Variants in CDHR3 observed in about 807,000 individuals in gnomAD.
The protein encoded by CDHR3 is cadherin-related family member 3.
CDHR3 carries 79 observed loss-of-function variants against 86.6 expected under a neutral mutation model. That is an observed-to-expected ratio of 0.91 (90% CI 0.76 to 1.10). The LOEUF (loss-of-function observed/expected upper bound fraction) is 1.10. CDHR3 is among the 50% of genes least tolerant of loss of function. The pLI, the probability that CDHR3 is intolerant of heterozygous loss-of-function variation, is 0.00. For missense variants in CDHR3, 1,081 were observed against 1,077.6 expected (o/e 1.00, Z -0.04); for synonymous variants, 421 against 402.4 (o/e 1.05, Z -0.55).
intron 15 of CDHR3, among the ~76,000 whole-genome samples, chr7:106,025,053 C>T (rs1837154642): frequency 6.6e-6 from 1 of 152,188 alleles, no homozygotes. Flanking sequence ...TGGTCTCAGT[C>T]TCTCACTCTT....
chr7:105,987,152 G>T (rs1011345985), intron 4 of CDHR3, among the ~76,000 whole-genome samples: 2 of 152,148 alleles, frequency 1.3e-5, no homozygotes, highest in Non-Finnish European at 2.9e-5. Context: ...AGGAAGGAAA[G>T]CTGCCCAGGT....
chr7:105,992,106 C>G (rs1007237631), intron 4 of CDHR3, among the ~76,000 whole-genome samples: 5 of 152,166 alleles, frequency 3.3e-5, no homozygotes, highest in African/African-American at 1.2e-4. Context: ...GAGCACCTCC[C>G]CAAACCTTTG....
chr7:105,985,445 G>C (rs1830389422), intron 4 of CDHR3, among the ~76,000 whole-genome samples: 1 of 152,182 alleles, frequency 6.6e-6, no homozygotes, highest in African/African-American at 2.4e-5. Context: ...ATGACACTCG[G>C]GGAATTGGTA....
rs867170930 is a variant in CDHR3, at chr7:106,033,936, C to G, written c.*1239C>G. On this transcript the variant is annotated 3_prime_UTR_variant, in exon 19 of 19. Coordinates refer to ENST00000317716, the MANE Select transcript of CDHR3 (RefSeq NM_152750.5). ...GCAAACACTGAGAGTTGCAATTGCT[C>G]TCTATCCTTGCCAACACTTGGGATT... Among the ~76,000 whole-genome samples, 1 of 152,200 alleles carries G rather than the reference C, an allele frequency of 6.6e-6. No homozygotes were observed. Among genetic ancestry groups the G allele is most frequent in the Non-Finnish European group, 1.5e-5 (1 of 68,044 alleles).
At chr7:105,963,864 A>G (rs1276097260) in intron 1 of CDHR3, among the ~76,000 whole-genome samples, 1 of 151,928 alleles carries the variant, frequency 6.6e-6, no homozygotes. Context: ...TGATCATTTT[A>G]CTCTCTCTTC....
intron 2 of CDHR3, 71 bp from the exon 3 acceptor site, chr7:105,980,897 T>C: frequency 7.1e-7 from 1 of 1,400,994 alleles, no homozygotes; most frequent in Non-Finnish European, 9.8e-7. Context: ...GGAATATCCC[T>C]TTGCAAAGTG....
At chr7:106,028,940 C>CTTTCTTTCTTTCTTTCTTTT (rs1837857853) in intron 17 of CDHR3, among the ~76,000 whole-genome samples, 8 of 133,708 alleles carry the variant, frequency 6.0e-5, no homozygotes, top group Non-Finnish European at 1.3e-4. Context: ...TTCTTTCTTT[C>CTTTCTTTCTTTCTTTCTTTT]TTTCTTTCTT....
chr7:106,028,563 CAG>C lies in CDHR3; in HGVS notation c.2293_2294del (p.Asp765ArgfsTer13). On this transcript the variant is annotated frameshift_variant, in exon 17 of 19. Coordinates refer to ENST00000317716, the MANE Select transcript of CDHR3 (RefSeq NM_152750.5). LOFTEE classifies it high-confidence loss of function. ...CTGTTCTCTGCAGAAACGAAGACTG[CAG>C]AGAGAGACGTCGTGGTGGTGAGTAT... 2 of 1,613,920 alleles carry C rather than the reference CAG, an allele frequency of 1.2e-6. No homozygotes were observed. Among genetic ancestry groups the C allele is most frequent in the South Asian group, 1.1e-5 (1 of 91,072 alleles).
chr7:105,987,707 C>A (rs1830725842), intron 4 of CDHR3, among the ~76,000 whole-genome samples: 1 of 152,092 alleles, frequency 6.6e-6, no homozygotes, highest in Admixed American at 6.6e-5. Context: ...CTATAAAGCC[C>A]CCAGGGAATC....
intron 1 of CDHR3, 106 bp from the exon 2 acceptor site, chr7:105,974,738 T>C (rs2115640004): frequency 3.7e-6 from 3 of 819,086 alleles, no homozygotes; most frequent in East Asian, 2.6e-5. Context: ...CCAGCTCTCA[T>C]CGTCACCCTG....
At chr7:105,974,805 T>C (rs1828542862) in intron 1 of CDHR3, 39 bp from the exon 2 acceptor site, 1 of 1,557,480 alleles carries the variant, frequency 6.4e-7, no homozygotes, top group South Asian at 1.1e-5. Context: ...AGCAAAAGGC[T>C]TTGTGTTCAT....
At chr7:105,971,140 CAAAA>C (rs5886378) in intron 1 of CDHR3, among the ~76,000 whole-genome samples, 1 of 136,886 alleles carries the variant, frequency 7.3e-6, no homozygotes. Context: ...GACTCCATTT[CAAAA>C]AAAAAAAAAA....
At position 106,035,785 on chromosome 7, in the gene CDHR3, C is replaced by T. The variant is rs1838872407; in HGVS notation, c.*3088C>T. On this transcript the variant is annotated 3_prime_UTR_variant, in exon 19 of 19. Transcript: ENST00000317716. ...TCCTGTGCAAACATCTGATTGGTTG[C>T]AAAAAGCAACCAATCAGAGGCTAAG... 1 of 152,018 alleles carries T rather than the reference C, an allele frequency of 6.6e-6. No individual in the cohort carries two copies. The highest frequency in any genetic ancestry group is 6.5e-5 in the Admixed American group (1 of 15,268). 9.4% of individuals were successfully genotyped at this position (152,018 alleles called of 1,614,324 possible).
chr7:105,994,198 G>C (rs1831831355), intron 4 of CDHR3, among the ~76,000 whole-genome samples: 1 of 149,056 alleles, frequency 6.7e-6, no homozygotes, highest in Non-Finnish European at 1.5e-5. Context: ...TACTCACTTT[G>C]GTATAGTCCT....
At chr7:105,985,876 C>A (rs148995549) in intron 4 of CDHR3, among the ~76,000 whole-genome samples, 216 of 152,290 alleles carry the variant, frequency 1.4e-3, no homozygotes, top group African/African-American at 5.0e-3. Context: ...TACATGGGAA[C>A]TTTTTTTCTT....
At chr7:105,996,617 T>C (rs929528816) in intron 6 of CDHR3, among the ~76,000 whole-genome samples, 1 of 152,120 alleles carries the variant, frequency 6.6e-6, no homozygotes, top group Non-Finnish European at 1.5e-5. Flanking sequence ...GGTGGACACA[T>C]GCCCCGGGGT....
intron 16 of CDHR3, among the ~76,000 whole-genome samples, chr7:106,027,134 C>T (rs145656389): frequency 1.4e-4 from 21 of 152,262 alleles, no homozygotes; most frequent in East Asian, 1.2e-3. Flanking sequence ...CAGTGACTCA[C>T]GCCTGTAATC....
At chr7:106,020,667 T>G in intron 13 of CDHR3, 123 bp downstream of exon 13, 1 of 1,087,316 alleles carries the variant, frequency 9.2e-7, no homozygotes, top group Admixed American at 2.6e-5. Context: ...AGGGCATTAT[T>G]TTTTTGAGAT....
intron 4 of CDHR3, among the ~76,000 whole-genome samples, chr7:105,985,058 CAAAAA>C (rs3999857): frequency 9.9e-5 from 14 of 141,296 alleles, no homozygotes; most frequent in South Asian, 4.4e-4. Flanking sequence ...GACCCTGTCT[CAAAAA>C]AAAAAAAAAA....
Sources: gnomAD v4.1 joint callset for allele counts (sites outside exome capture counted in the v4.1 genomes callset) on GRCh38, gnomAD v4.1.1 for gene constraint, MANE v1.5 for transcripts, NCBI Gene and HGNC (gene_info 2026-07-23, HGNC 2026-07-21) for gene names.